The following ANKRD44 variants were observed in gnomAD, a reference collection of about 807,000 sequenced individuals.
The protein encoded by ANKRD44 is serine/threonine-protein phosphatase 6 regulatory ankyrin repeat subunit B.
Under a neutral mutation model 116.0 loss-of-function variants are expected in ANKRD44, and 35 were observed. The ratio of observed to expected loss-of-function variants is 0.30; its 90% CI spans 0.23 to 0.40. ANKRD44 has a LOEUF of 0.40. Ranked by LOEUF, ANKRD44 falls within the 10% of genes least tolerant of loss-of-function variation. The pLI is 1.00. For synonymous variants in ANKRD44, 435 were observed against 461.8 expected (o/e 0.94, Z 0.74); for missense variants, 1,014 against 1,242.6 (o/e 0.82, Z 2.77).
intron 7 of ANKRD44, among the ~76,000 whole-genome samples, chr2:197,121,763 A>G (rs1383098774): frequency 6.6e-6 from 1 of 152,222 alleles, no homozygotes; most frequent in African/African-American, 2.4e-5. Flanking sequence ...TGAACTGGAG[A>G]CAGAGAAGTT....
chr2:196,995,163 A>AT, intron 26 of ANKRD44: 1 of 335,818 alleles, frequency 3.0e-6, no homozygotes, highest in Non-Finnish European at 5.4e-6. Context: ...ACAAAATTAA[A>AT]TGAAGACATA....
intron 16 of ANKRD44, among the ~76,000 whole-genome samples, chr2:197,030,840 C>A (rs978466538): frequency 2.0e-5 from 3 of 151,768 alleles, no homozygotes; most frequent in Admixed American, 2.0e-4. Context: ...TTGTTTTTTA[C>A]TTATTATTTT....
chr2:197,106,791 A>AATATAT (rs564262926), intron 9 of ANKRD44, among the ~76,000 whole-genome samples: 47 of 127,356 alleles, frequency 3.7e-4, no homozygotes, highest in South Asian at 5.4e-4. Context: ...CTCCGTCTCA[A>AATATAT]ATATATATAT....
At chr2:197,003,038 G>A (rs1056678304) in intron 21 of ANKRD44, among the ~76,000 whole-genome samples, 2 of 152,118 alleles carry the variant, frequency 1.3e-5, no homozygotes, top group Admixed American at 6.5e-5. Context: ...TGGGCATGGT[G>A]GCTCATGCCT....
At chr2:197,123,835 T>C (rs2078915327) in intron 6 of ANKRD44, among the ~76,000 whole-genome samples, 1 of 152,152 alleles carries the variant, frequency 6.6e-6, no homozygotes, top group African/African-American at 2.4e-5. Context: ...GACTCTTTTC[T>C]CTCCAAGACT....
Position 197,308,172 on chromosome 2 carries a change from CA to C in ANKRD44, c.27+2405del, listed in dbSNP as rs765233263. Among the ~76,000 whole-genome samples the C allele has an allele frequency of 7.1e-3, 447 of 62,976 alleles. 2 individuals carry two copies. The highest frequency in any genetic ancestry group is 0.018 in the Middle Eastern group (3 of 168). The allele number at this position is 62,976 out of a possible 152,430, so 41.3% of individuals were successfully genotyped here. On this transcript the variant is annotated intron_variant, in intron 1 of 27. Transcript: ENST00000282272. ...ACCCTGACACACACACACACACACA[CA>C]AAAAAAAAAAAGGAGGGAGAAATTA... is the stretch of plus-strand genomic sequence containing the variant.
Position 197,274,014 on chromosome 2 carries a change from T to TAG in ANKRD44, c.27+36563_27+36564insCT, listed in dbSNP as rs2083001508. Among the ~76,000 whole-genome samples the TAG allele has an allele frequency of 4.3e-5, 4 of 93,120 alleles. 1 individual carries two copies. Among genetic ancestry groups the TAG allele is most frequent in the Non-Finnish European group, 6.2e-5 (3 of 48,426 alleles). 61.1% of individuals were successfully genotyped at this position (93,120 alleles called of 152,430 possible). On this transcript the variant is annotated intron_variant, in intron 1 of 27. Coordinates refer to ENST00000282272, the MANE Select transcript of ANKRD44 (RefSeq NM_001195144.2). Reference sequence around the variant, plus strand: ...ATATATATATATATATATATATATATATATATATATATATGAATCAGACAG... The same window carrying TAG: ...ATATATATATATATATATATATATATAGATATATATATATATGAATCAGACAG...
At chr2:197,108,868 CAACAAA>C (rs903804173) in intron 9 of ANKRD44, among the ~76,000 whole-genome samples, 2 of 80,224 alleles carry the variant, frequency 2.5e-5, no homozygotes, top group Non-Finnish European at 5.5e-5. Flanking sequence ...ACAACAACAA[CAACAAA>C]AACACAAATA....
intron 1 of ANKRD44, chr2:197,296,319 C>A (rs771691020): frequency 6.6e-6 from 1 of 152,224 alleles, no homozygotes; most frequent in Admixed American, 6.5e-5. Flanking sequence ...CAGCCTGATT[C>A]TTTTCAGCCT....
At chr2:197,276,926 A>T (rs2083104373) in intron 1 of ANKRD44, among the ~76,000 whole-genome samples, 1 of 136,010 alleles carries the variant, frequency 7.4e-6, no homozygotes, top group African/African-American at 2.7e-5. Flanking sequence ...GAACCCAGGA[A>T]TTTTTTTTTT....
At chr2:197,118,175 T>G (rs1375030303) in intron 8 of ANKRD44, among the ~76,000 whole-genome samples, 1 of 151,664 alleles carries the variant, frequency 6.6e-6, no homozygotes, top group Non-Finnish European at 1.5e-5. Flanking sequence ...ATCCCACCAC[T>G]GCACTCCAAC....
At chr2:197,227,119 T>C (rs1017787690) in intron 1 of ANKRD44, among the ~76,000 whole-genome samples, 3 of 152,238 alleles carry the variant, frequency 2.0e-5, no homozygotes, top group Admixed American at 1.3e-4. Flanking sequence ...TGGTTTTCTT[T>C]ATTGCTTCTA....
intron 21 of ANKRD44, among the ~76,000 whole-genome samples, chr2:196,972,463 A>G (rs1015030344): frequency 3.3e-5 from 5 of 152,182 alleles, no homozygotes; most frequent in Non-Finnish European, 5.9e-5. Flanking sequence ...TGTCCTCCCG[A>G]AGTGCTGGGA....
chr2:197,217,831 T>G (rs957783484), intron 1 of ANKRD44, among the ~76,000 whole-genome samples: 3 of 152,160 alleles, frequency 2.0e-5, no homozygotes, highest in Non-Finnish European at 4.4e-5. Flanking sequence ...TTTCCAGATC[T>G]AAAAAGTCTG....
intron 9 of ANKRD44, among the ~76,000 whole-genome samples, chr2:197,104,085 C>A (rs2078369433): frequency 6.6e-6 from 1 of 152,150 alleles, no homozygotes; most frequent in Non-Finnish European, 1.5e-5. Context: ...AACATATTTA[C>A]AAATAGTCTT....
At chr2:196,989,905 A>G in intron 27 of ANKRD44, 1 of 1,162,974 alleles carries the variant, frequency 8.6e-7, no homozygotes, top group Non-Finnish European at 1.1e-6. Flanking sequence ...AACAAAGGGT[A>G]GTTTCATACT....
rs191085443 is a variant in ANKRD44 at position 197,121,548 on chromosome 2, C to G, written c.694-4G>C. ...CATAGACATTGATTTCATCAATCTG[C>G]AAAAGAGTCCAACACAGGGTGATTA... On this transcript the variant is annotated splice_region_variant and splice_polypyrimidine_tract_variant and intron_variant, in intron 7 of 27. Coordinates refer to ENST00000282272, the MANE Select transcript of ANKRD44 (RefSeq NM_001195144.2). The G allele has an allele frequency of 6.3e-5, 102 of 1,612,566 alleles. No individual in the cohort carries two copies. The East Asian group carries it at 1.9e-3, about 29-fold the overall frequency.
chr2:197,075,139 ATCTC>A (rs923980384), intron 16 of ANKRD44, among the ~76,000 whole-genome samples: 2 of 152,178 alleles, frequency 1.3e-5, no homozygotes, highest in Non-Finnish European at 2.9e-5. Context: ...AGAGTTTTCA[ATCTC>A]TCTAAGTTTT....
At chr2:197,046,705 C>T (rs894044089) in intron 16 of ANKRD44, among the ~76,000 whole-genome samples, 2 of 150,402 alleles carry the variant, frequency 1.3e-5, no homozygotes, top group African/African-American at 4.9e-5. Context: ...GAGTAGTATA[C>T]ATGTCTCTCA....
Sources: allele counts gnomAD v4.1 joint callset (sites outside exome capture counted in the v4.1 genomes callset), GRCh38; gene constraint gnomAD v4.1.1; transcripts MANE v1.5; gene names NCBI Gene and HGNC (gene_info 2026-07-23, HGNC 2026-07-21).